Variants in CAMK2G observed in about 807,000 individuals in gnomAD.
CAMK2G encodes the protein calcium/calmodulin dependent protein kinase II gamma, also known as calcium/calmodulin-dependent protein kinase type II subunit gamma.
In CAMK2G, 23 loss-of-function variants were observed where a neutral mutation model predicts 88.7. That is an observed-to-expected ratio of 0.26 (90% CI 0.19 to 0.37). CAMK2G has a LOEUF of 0.37. Ranked by LOEUF, CAMK2G falls within the 10% of genes least tolerant of loss-of-function variation. The probability of loss-of-function intolerance (pLI) is 1.00; values close to 1 mark genes in which losing one functional copy is unlikely to be tolerated. For synonymous variants in CAMK2G, 263 were observed against 294.8 expected, an observed-to-expected ratio of 0.89 and a Z score of 1.11; for missense variants, 476 against 780.8, an observed-to-expected ratio of 0.61 and a Z score of 4.65.
chr10:73,861,475 C>T (rs1261733453), intron 2 of CAMK2G, among the ~76,000 whole-genome samples: 1 of 152,212 alleles, frequency 6.6e-6, no homozygotes, highest in Non-Finnish European at 1.5e-5. Context: ...CCTGCCTCAG[C>T]CTCCCGAGTA....
intron 14 of CAMK2G, among the ~76,000 whole-genome samples, chr10:73,835,665 A>G (rs890938254): frequency 6.6e-6 from 1 of 152,016 alleles, no homozygotes. Flanking sequence ...CCATGGTCTG[A>G]CACAGAAACT....
intron 3 of CAMK2G, among the ~76,000 whole-genome samples, chr10:73,857,403 A>C (rs2095116128): frequency 6.6e-6 from 1 of 152,190 alleles, no homozygotes; most frequent in Non-Finnish European, 1.5e-5. Context: ...GGTCACAGTT[A>C]CTAATTAGCA....
rs768027402 is a variant in CAMK2G at position 73,849,006 on chromosome 10, C to T, written c.517+7G>A. The stretch of plus-strand genomic sequence containing the variant: ...GCTGCATTCCGGGAAGACAGGATCA[C>T]CCTTACCAAACCAAGCCTGCTGCTC... On this transcript the variant is annotated splice_region_variant and intron_variant, in intron 7 of 22. Coordinates refer to ENST00000423381, the MANE Select transcript of CAMK2G (RefSeq NM_001367534.1). 3.7e-5 allele frequency: 59 copies of T among 1,574,078 alleles called. No individual in the cohort carries two copies. The East Asian group carries it at 1.3e-3, about 34-fold the overall frequency.
chr10:73,820,464 TTATATATATATATATA>T (rs71483976), intron 18 of CAMK2G, among the ~76,000 whole-genome samples: 3 of 74,078 alleles, frequency 4.0e-5, no homozygotes, highest in Non-Finnish European at 6.8e-5. Context: ...GGTTTTATAT[TTATATATATATATATA>T]TATATATATA....
intron 14 of CAMK2G, among the ~76,000 whole-genome samples, 165 bp from the exon 15 acceptor site, chr10:73,828,286 G>A (rs1011924306): frequency 1.1e-4 from 16 of 152,314 alleles, no homozygotes; most frequent in Middle Eastern, 3.4e-3. Context: ...CACACGGACC[G>A]ACAGGCACTC....
At chr10:73,861,129 C>G (rs1309001013) in intron 2 of CAMK2G, among the ~76,000 whole-genome samples, 3 of 152,192 alleles carry the variant, frequency 2.0e-5, no homozygotes, top group Non-Finnish European at 4.4e-5. Flanking sequence ...TGGGCTCAAG[C>G]AATCCTCCCA....
intron 3 of CAMK2G, among the ~76,000 whole-genome samples, chr10:73,858,940 C>T (rs1161793047): frequency 1.3e-5 from 2 of 152,248 alleles, no homozygotes; most frequent in African/African-American, 2.4e-5. Context: ...TCAACCCGCC[C>T]GCATCGCGGG....
intron 14 of CAMK2G, among the ~76,000 whole-genome samples, chr10:73,831,346 T>C (rs1223543658): frequency 2.0e-5 from 3 of 151,776 alleles, no homozygotes; most frequent in Non-Finnish European, 4.4e-5. Flanking sequence ...GAGACCAGCC[T>C]GGCCAACATA....
chr10:73,847,136 T>C (rs1483991409), intron 10 of CAMK2G, 89 bp downstream of exon 10: 2 of 1,365,760 alleles, frequency 1.5e-6, no homozygotes, highest in African/African-American at 1.4e-5. Context: ...CCAGAATGAA[T>C]CTCTGCTGGT....
At chr10:73,855,211 T>C (rs775621006) in intron 3 of CAMK2G, among the ~76,000 whole-genome samples, 6 of 152,140 alleles carry the variant, frequency 3.9e-5, no homozygotes, top group Non-Finnish European at 8.8e-5. Flanking sequence ...CTTGCGCACC[T>C]CTGGTCTAAG....
chr10:73,846,026 T>C (rs1435882049), intron 10 of CAMK2G, among the ~76,000 whole-genome samples: 1 of 151,692 alleles, frequency 6.6e-6, no homozygotes, highest in Non-Finnish European at 1.5e-5. Flanking sequence ...CTTATGATCC[T>C]CCTGCCTCAG....
chr10:73,857,335 G>C (rs1195325461), intron 3 of CAMK2G, among the ~76,000 whole-genome samples: 2 of 152,008 alleles, frequency 1.3e-5, no homozygotes. Flanking sequence ...ACAACTCCAC[G>C]AAGGGACCCA....
chr10:73,838,942 AGG>A (rs2093507687), intron 13 of CAMK2G, among the ~76,000 whole-genome samples: 1 of 152,242 alleles, frequency 6.6e-6, no homozygotes, highest in Non-Finnish European at 1.5e-5. Flanking sequence ...AGCCTTCGAC[AGG>A]GTGATCTTAA....
chr10:73,857,643 G>A (rs772225172), intron 3 of CAMK2G, among the ~76,000 whole-genome samples: 3 of 152,146 alleles, frequency 2.0e-5, no homozygotes, highest in Admixed American at 6.5e-5. Context: ...GACTATGATC[G>A]AAACTGCTGG....
rs2093895432 is a variant in CAMK2G, at chr10:73,842,686, G to A, written c.820-145C>T. ...GAAGATGAAATGAGGTCACAGATGT[G>A]AAAACGCTTTTAGAATAAAAGCACT... On this transcript the variant is annotated intron_variant, in intron 10 of 22. Transcript: ENST00000423381. The surrounding 1 kb of genome is among the most constrained non-coding windows in gnomAD (Gnocchi z 4.6). 2 of 620,708 alleles carry A rather than the reference G, an allele frequency of 3.2e-6. No homozygotes were observed. The highest frequency in any genetic ancestry group is 3.7e-5 in the African/African-American group (2 of 54,496). The allele number at this position is 620,708 out of a possible 1,614,324, so 38.5% of individuals were successfully genotyped here. A position where few individuals can be genotyped will look rare whatever the true frequency, so the allele number is the denominator to read the frequency against.
chr10:73,873,541 C>T (rs917198715), intron 1 of CAMK2G: 14 of 999,190 alleles, frequency 1.4e-5, no homozygotes, highest in African/African-American at 1.7e-5. Flanking sequence ...AGAAATCTCC[C>T]TCAACCATGG....
At chr10:73,824,982 A>G (rs2090418328) in intron 16 of CAMK2G, among the ~76,000 whole-genome samples, 1 of 152,202 alleles carries the variant, frequency 6.6e-6, no homozygotes, top group Non-Finnish European at 1.5e-5. Flanking sequence ...CCCACAGCAG[A>G]CCCACTAGGG....
intron 15 of CAMK2G, among the ~76,000 whole-genome samples, chr10:73,826,169 A>C (rs1478474311): frequency 1.3e-5 from 2 of 152,198 alleles, no homozygotes; most frequent in African/African-American, 4.8e-5. Flanking sequence ...ACGGTGGCTC[A>C]CACCTGTAAT....
rs762119682 is a variant in CAMK2G at position 73,839,564 on chromosome 10, C to T, written c.984G>A (p.Ala328=). The T allele has an allele frequency of 2.1e-5, 26 of 1,234,918 alleles. No homozygotes were observed. In the Admixed American group the frequency reaches 4.2e-4, roughly 20 times the overall value. The allele number at this position is 1,234,918 out of a possible 1,614,324, so 76.5% of individuals were successfully genotyped here. A position where few individuals can be genotyped will look rare whatever the true frequency, so the allele number is the denominator to read the frequency against. The change falls in exon 13 of 23, where the codon GCG becomes GCA. Residue 328 remains alanine (A), a synonymous_variant. Coordinates refer to ENST00000423381, the MANE Select transcript of CAMK2G (RefSeq NM_001367534.1). The surrounding 1 kb of genome is among the most constrained non-coding windows in gnomAD (Gnocchi z 4.2). Reference sequence around the variant, plus strand: ...CTTGCCCGGCCAGGCCGGCGGCGCTCGCGGCAGGCGAGGCGGGGGCGGAGC... The same window carrying T: ...CTTGCCCGGCCAGGCCGGCGGCGCTTGCGGCAGGCGAGGCGGGGGCGGAGC... ...RQSSAPASPA[A]SAAGLAGQAA... is the part of the protein sequence containing the mutation.
Sources: gnomAD v4.1 joint callset for allele counts (sites outside exome capture counted in the v4.1 genomes callset) on GRCh38, gnomAD v4.1.1 for gene constraint, Gnocchi (gnomAD v3.1) non-coding constraint, MANE v1.5 for transcripts, NCBI Gene and HGNC (gene_info 2026-07-23, HGNC 2026-07-21) for gene names.